Variants in COL21A1 observed in about 807,000 individuals in gnomAD.
The protein encoded by COL21A1 is collagen type XXI alpha 1 chain.
COL21A1 carries 149 observed loss-of-function variants against 137.9 expected under a neutral mutation model. That is an observed-to-expected ratio of 1.08 (90% CI 0.95 to 1.24). COL21A1 has a LOEUF of 1.24. Ranked by LOEUF, COL21A1 falls within the 50% of genes most tolerant of loss-of-function variation. COL21A1 has a pLI of 0.00. For synonymous variants in COL21A1, 456 were observed against 391.5 expected (o/e 1.16, Z -1.95); for missense variants, 1,167 against 1,158.4 (o/e 1.01, Z -0.11).
At chr6:56,338,059 T>G (rs1295783593) in intron 1 of COL21A1, among the ~76,000 whole-genome samples, 1 of 149,140 alleles carries the variant, frequency 6.7e-6, no homozygotes, top group East Asian at 2.0e-4. Context: ...GCCTCCCGGG[T>G]TCAAGCGATT....
intron 17 of COL21A1, among the ~76,000 whole-genome samples, chr6:56,092,596 C>T (rs1050936335): frequency 6.6e-6 from 1 of 152,132 alleles, no homozygotes; most frequent in Non-Finnish European, 1.5e-5. Context: ...GTCTTGCTTT[C>T]AAATTGTCAT....
At chr6:56,307,280 G>A (rs1306629476) in intron 1 of COL21A1, among the ~76,000 whole-genome samples, 1 of 152,210 alleles carries the variant, frequency 6.6e-6, no homozygotes, top group Admixed American at 6.5e-5. Context: ...GTCTGCAGAG[G>A]ATTCTGCTGC....
At chr6:56,302,123 T>A (rs959527027) in intron 1 of COL21A1, among the ~76,000 whole-genome samples, 2 of 151,796 alleles carry the variant, frequency 1.3e-5, no homozygotes, top group African/African-American at 4.8e-5. Context: ...TAATCCAGTC[T>A]ATCATTGATG....
intron 10 of COL21A1, among the ~76,000 whole-genome samples, chr6:56,150,489 G>C (rs1329866580): frequency 6.6e-6 from 1 of 150,708 alleles, no homozygotes. Flanking sequence ...CTGCGCTCCA[G>C]CCTGGGCGAC....
chr6:56,212,780 A>G (rs1275040945), intron 1 of COL21A1, among the ~76,000 whole-genome samples: 1 of 152,196 alleles, frequency 6.6e-6, no homozygotes, highest in East Asian at 1.9e-4. Flanking sequence ...GTTCACAAGG[A>G]TGTGAAATGC....
chr6:56,131,013 T>C (rs1158869134), intron 12 of COL21A1, among the ~76,000 whole-genome samples: 3 of 152,210 alleles, frequency 2.0e-5, no homozygotes, highest in Admixed American at 1.3e-4. Flanking sequence ...AGCCACTGGG[T>C]CATTTGTTAC....
intron 1 of COL21A1, among the ~76,000 whole-genome samples, chr6:56,244,014 T>C (rs1690292683): frequency 6.6e-6 from 1 of 152,148 alleles, no homozygotes; most frequent in South Asian, 2.1e-4. Flanking sequence ...AAAACACGTA[T>C]CCATTTCCTG....
intron 1 of COL21A1, among the ~76,000 whole-genome samples, chr6:56,372,928 A>C (rs2093992318): frequency 6.6e-6 from 1 of 152,184 alleles, no homozygotes; most frequent in Admixed American, 6.5e-5. Context: ...TGAAAATGTC[A>C]GATGTTTGAT....
At chr6:56,092,578 A>G (rs1039761837) in intron 17 of COL21A1, among the ~76,000 whole-genome samples, 1 of 152,194 alleles carries the variant, frequency 6.6e-6, no homozygotes, top group African/African-American at 2.4e-5. Context: ...GAAAATATTG[A>G]CTGAAGAGTC....
chr6:56,125,683 A>G (rs1354209607), intron 13 of COL21A1, 63 bp from the exon 14 acceptor site: 39 of 1,088,976 alleles, frequency 3.6e-5, no homozygotes, highest in Non-Finnish European at 4.8e-5. Context: ...TATAAAGAAA[A>G]AATACAGATT....
intron 1 of COL21A1, among the ~76,000 whole-genome samples, chr6:56,375,408 G>A (rs2093997231): frequency 6.6e-6 from 1 of 152,170 alleles, no homozygotes; most frequent in South Asian, 2.1e-4. Flanking sequence ...AAGAAGGATA[G>A]GAGGAAAGTG....
At chr6:56,099,796 T>C (rs1770284719) in intron 17 of COL21A1, among the ~76,000 whole-genome samples, 1 of 152,146 alleles carries the variant, frequency 6.6e-6, no homozygotes. Flanking sequence ...ACAGCAATTA[T>C]GGCTCACATA....
intron 1 of COL21A1, among the ~76,000 whole-genome samples, chr6:56,288,110 G>T (rs1315969650): frequency 6.6e-6 from 1 of 152,146 alleles, no homozygotes; most frequent in Non-Finnish European, 1.5e-5. Context: ...TTGGCAAGTT[G>T]TTGCAGCAGC....
chr6:56,163,407 C>T (rs769412315), intron 9 of COL21A1, among the ~76,000 whole-genome samples: 2 of 152,176 alleles, frequency 1.3e-5, no homozygotes, highest in Non-Finnish European at 2.9e-5. Flanking sequence ...AGAAGCACAA[C>T]TTACTTAAAA....
intron 1 of COL21A1, among the ~76,000 whole-genome samples, chr6:56,191,558 CT>C: frequency 6.7e-6 from 1 of 148,884 alleles, no homozygotes; most frequent in South Asian, 2.1e-4. Flanking sequence ...CACCACTGCA[CT>C]CCAGCCTGGG....
At chr6:56,306,554 G>C (rs1418924208) in intron 1 of COL21A1, among the ~76,000 whole-genome samples, 1 of 152,142 alleles carries the variant, frequency 6.6e-6, no homozygotes, top group African/African-American at 2.4e-5. Flanking sequence ...TCATCGTGTA[G>C]TTCTCGTGCC....
rs765343122 is a variant in COL21A1, at chr6:56,392,244, C to T, written c.-39+1727G>A. Among the ~76,000 whole-genome samples the T allele has an allele frequency of 2.0e-4, 31 of 152,088 alleles. No homozygotes were observed. In the Middle Eastern group the frequency reaches 0.014, roughly 67 times the overall value. On this transcript the variant is annotated intron_variant, in intron 1 of 28. Transcript: ENST00000370819. ...CATACCAACAGAACAAAGGACAAAA[C>T]CCATATGATCATTTCAATTGATGAC...
intron 17 of COL21A1, among the ~76,000 whole-genome samples, chr6:56,083,346 A>G (rs1767957058): frequency 6.6e-6 from 1 of 151,858 alleles, no homozygotes; most frequent in South Asian, 2.1e-4. Flanking sequence ...CAAGGAATCT[A>G]TCCTTCATTT....
chr6:56,222,154 T>C (rs748335388), intron 1 of COL21A1, among the ~76,000 whole-genome samples: 10 of 151,950 alleles, frequency 6.6e-5, no homozygotes, highest in South Asian at 2.1e-4. Context: ...ATGCCTGTAA[T>C]CCCAACTACT....
Sources: allele counts gnomAD v4.1 joint callset (sites outside exome capture counted in the v4.1 genomes callset), GRCh38; gene constraint gnomAD v4.1.1; transcripts MANE v1.5; gene names NCBI Gene and HGNC (gene_info 2026-07-23, HGNC 2026-07-21).